Variants in PLP2 observed in about 807,000 individuals in gnomAD.
PLP2 encodes the protein proteolipid protein 2.
In PLP2, 8 loss-of-function variants were observed where a neutral mutation model predicts 11.4. The ratio of observed to expected loss-of-function variants is 0.70; its 90% CI spans 0.41 to 1.27. PLP2 has a LOEUF of 1.27. Ranked by LOEUF, PLP2 falls within the 50% of genes most tolerant of loss-of-function variation. The pLI is 0.01. For missense variants in PLP2, 127 were observed against 123.5 expected, an observed-to-expected ratio of 1.03 and a Z score of -0.14; for synonymous variants, 50 against 53.2, an observed-to-expected ratio of 0.94 and a Z score of 0.26.
At position 49,173,236 on chromosome X, in the gene PLP2, G is replaced by T. The variant is rs200286228; in HGVS notation, c.204G>T (p.Met68Ile). The change falls in exon 2 of 5, where the codon ATG (methionine) becomes ATT (isoleucine). Residue 68 changes from methionine to isoleucine, a missense_variant. By Grantham distance (10) the Met-to-Ile change is conservative (BLOSUM62 1). Transcript: ENST00000376327. Reference protein sequence around the residue: ...ILAAIFFVVYMCDLHTKIPFI... With the variant: ...ILAAIFFVVYICDLHTKIPFI... ...CTGCTATTTTCTTTGTTGTCTACAT[G>T]TGTGACCTGCACACCAAGATACCAT... 1 of 1,209,153 alleles carries T rather than the reference G, an allele frequency of 8.3e-7. No homozygotes were observed. Among genetic ancestry groups the T allele is most frequent in the East Asian group, 3.0e-5 (1 of 33,744 alleles).
At position 49,173,300 on chromosome X, in the gene PLP2, T is replaced by A. The variant is rs1602594415; in HGVS notation, c.249+19T>A. ...CTGGAGTGTGAGAAGGGGTCCACAA[T>A]GGCAAGACCAGGGAGGGGTCTGGGC... On this transcript the variant is annotated intron_variant, in intron 2 of 4. Transcript: ENST00000376327. 7.5e-6 allele frequency: 9 copies of A among 1,207,904 alleles called. No individual in the cohort carries two copies. Among genetic ancestry groups the A allele is most frequent in the Admixed American group, 6.6e-5 (3 of 45,742 alleles).
At position 49,172,105 on chromosome X, in the gene PLP2, T is replaced by C. The variant is rs782412108; in HGVS notation, c.96+9T>C. The C allele has an allele frequency of 8.7e-7, 1 of 1,155,140 alleles. No individual in the cohort carries two copies. Among genetic ancestry groups the C allele is most frequent in the South Asian group, 1.8e-5 (1 of 54,965 alleles). On this transcript the variant is annotated intron_variant, in intron 1 of 4. Transcript: ENST00000376327. ...TCCTGTTTGCTGAGATTGTGAGCGT[T>C]CTGGGGCAGGCGCGTGGGCAAAAGC...
In PLP2 at chrX:49,172,783, G is replaced by T. The variant is rs948825309; in HGVS notation, c.97-346G>T. On this transcript the variant is annotated intron_variant, in intron 1 of 4. Coordinates refer to ENST00000376327, the MANE Select transcript of PLP2 (RefSeq NM_002668.3). ...GTCAGCGGGGCTCACAAAACACCTG[G>T]CAGCGCCACTCCCCTCAGGCTGCCC... 8.0e-5 allele frequency among the ~76,000 whole-genome samples: 9 copies of T among 112,141 alleles called. No individual in the cohort carries two copies. In the Admixed American group the frequency reaches 8.5e-4, roughly 11 times the overall value.
chrX:49,173,396 C>T lies in PLP2; in HGVS notation c.258C>T (p.Phe86=), dbSNP rs1557099448. ...PFINWPWSDF[F]RTLIAAILYL... is the part of the protein sequence containing the mutation. ...CTCCCTACACCTCACAGGATTTCTT[C>T]CGAACCCTCATAGCGGCAATCCTCT... Residue 86 remains phenylalanine, a synonymous_variant, in exon 3 of 5, where the codon TTC becomes TTT. Coordinates refer to ENST00000376327, the MANE Select transcript of PLP2 (RefSeq NM_002668.3). The T allele has an allele frequency of 8.3e-7, 1 of 1,211,345 alleles. No individual in the cohort carries two copies. Among genetic ancestry groups the T allele is most frequent in the East Asian group, 3.0e-5 (1 of 33,844 alleles).
rs782640786 is a variant in PLP2 at position 49,173,270 on chromosome X, T to G, written c.238T>G (p.Trp80Gly). The G allele has an allele frequency of 5.0e-6, 6 of 1,211,348 alleles. No individual in the cohort carries two copies. The highest frequency in any genetic ancestry group is 6.7e-6 in the Non-Finnish European group (6 of 895,130). The change falls in exon 2 of 5, where the codon TGG (tryptophan) becomes GGG (glycine). Residue 80 changes from tryptophan to glycine, a missense_variant. By Grantham distance (184) the Trp-to-Gly change is radical (BLOSUM62 -2). Coordinates refer to ENST00000376327, the MANE Select transcript of PLP2 (RefSeq NM_002668.3). ...DLHTKIPFIN[W>G]PWSDFFRTLI... ...GCACACCAAGATACCATTCATCAACTGGCCCTGGAGTGTGAGAAGGGGTCC... is the reference window on the plus strand; with the variant it reads ...GCACACCAAGATACCATTCATCAACGGGCCCTGGAGTGTGAGAAGGGGTCC...
intron 3 of PLP2, among the ~76,000 whole-genome samples, chrX:49,173,892 A>G (rs1187208877): frequency 1.8e-5 from 2 of 111,720 alleles, no homozygotes; most frequent in Admixed American, 1.9e-4. Flanking sequence ...CAACATGGCG[A>G]AACCCCATCT....
chrX:49,175,090 C>T lies in PLP2; in HGVS notation c.*396C>T, dbSNP rs2065407793. The T allele has an allele frequency of 3.9e-5, 10 of 257,990 alleles. No homozygotes were observed. Among genetic ancestry groups the T allele is most frequent in the Non-Finnish European group, 6.2e-5 (9 of 145,404 alleles). 21.3% of individuals were successfully genotyped at this position (257,990 alleles called of 1,213,427 possible). On this transcript the variant is annotated 3_prime_UTR_variant, in exon 5 of 5. Transcript: ENST00000376327. ...GAATAATAAACATTGTTAAAATATA[C>T]GATAATGAATAAAGTAATCCTTTCA... is the stretch of plus-strand genomic sequence containing the variant.
At chrX:49,172,397 G>A (rs1383326318) in intron 1 of PLP2, among the ~76,000 whole-genome samples, 1 of 111,603 alleles carries the variant, frequency 9.0e-6, no homozygotes, top group African/African-American at 3.3e-5. Context: ...GTCCCAGGGT[G>A]CTGGGAAGTG....
intron 4 of PLP2, 46 bp downstream of exon 4, chrX:49,174,471 G>A: frequency 1.9e-6 from 2 of 1,066,674 alleles, no homozygotes; most frequent in Non-Finnish European, 2.6e-6. Context: ...GTTGCTGAGA[G>A]GGCAGAGGGA....
rs1557099484 is a variant in PLP2, at chrX:49,173,494, T to C, written c.345+11T>C. The C allele has an allele frequency of 3.3e-6, 4 of 1,211,641 alleles. No homozygotes were observed. The Admixed American group carries it at 6.5e-5, about 20-fold the overall frequency. On this transcript the variant is annotated intron_variant, in intron 3 of 4. Coordinates refer to ENST00000376327, the MANE Select transcript of PLP2 (RefSeq NM_002668.3). ...AAAATCGTCGCAGGGGTAAAGGCCA[T>C]GGGAGCAGCTCTGAAGCACAGAGCG...
Position 49,173,497 on chromosome X carries a change from G to A in PLP2, c.345+14G>A. On this transcript the variant is annotated intron_variant, in intron 3 of 4. Coordinates refer to ENST00000376327, the MANE Select transcript of PLP2 (RefSeq NM_002668.3). ...ATCGTCGCAGGGGTAAAGGCCATGG[G>A]AGCAGCTCTGAAGCACAGAGCGAAG... is the stretch of plus-strand genomic sequence containing the variant. 8.3e-7 allele frequency: 1 copy of A among 1,211,850 alleles called. No individual in the cohort carries two copies. Among genetic ancestry groups the A allele is most frequent in the Middle Eastern group, 2.3e-4 (1 of 4,356 alleles).
rs782350537 is a variant in PLP2, at chrX:49,175,197, T to C, written c.*503T>C. On this transcript the variant is annotated 3_prime_UTR_variant, in exon 5 of 5. Coordinates refer to ENST00000376327, the MANE Select transcript of PLP2 (RefSeq NM_002668.3). ...GGCAAGGAGGCAAAGAAGCCAGGCC[T>C]GTTTTACAACAAATATTAAATTACT... 5.4e-4 allele frequency: 96 copies of C among 177,588 alleles called. No individual in the cohort carries two copies. The highest frequency in any genetic ancestry group is 2.4e-3 in the South Asian group (20 of 8,178). The allele number at this position is 177,588 out of a possible 1,213,427, so 14.6% of individuals were successfully genotyped here.
In PLP2 at chrX:49,172,116, C is replaced by G. The variant is rs1557099281; in HGVS notation, c.96+20C>G. ...GAGATTGTGAGCGTTCTGGGGCAGG[C>G]GCGTGGGCAAAAGCGGGATGGGGTG... On this transcript the variant is annotated intron_variant, in intron 1 of 4. Transcript: ENST00000376327. 1.8e-6 allele frequency: 2 copies of G among 1,097,187 alleles called. No homozygotes were observed. The highest frequency in any genetic ancestry group is 2.2e-5 in the Admixed American group (1 of 44,916). 90.4% of individuals were successfully genotyped at this position (1,097,187 alleles called of 1,213,427 possible).
intron 1 of PLP2, 79 bp downstream of exon 1, chrX:49,172,175 G>A (rs920462103): frequency 3.1e-5 from 23 of 746,504 alleles, no homozygotes; most frequent in Admixed American, 5.2e-5. Flanking sequence ...GTCCGGGTGA[G>A]GCAGGCACTT....
At position 49,175,013 on chromosome X, in the gene PLP2, C is replaced by T. The variant is rs2065407362; in HGVS notation, c.*319C>T. 2.5e-6 allele frequency: 1 copy of T among 402,328 alleles called. No individual in the cohort carries two copies. The highest frequency in any genetic ancestry group is 4.3e-6 in the Non-Finnish European group (1 of 230,242). The allele number at this position is 402,328 out of a possible 1,213,427, so 33.2% of individuals were successfully genotyped here. A position where few individuals can be genotyped will look rare whatever the true frequency, so the allele number is the denominator to read the frequency against. ...CAGAGTCCAGGCCCTAGGTTGGGAC[C>T]CACTCCAAATAATCTCCTCGGTGTG... On this transcript the variant is annotated 3_prime_UTR_variant, in exon 5 of 5. Transcript: ENST00000376327.
chrX:49,172,204 T>C (rs2065395089), intron 1 of PLP2, 108 bp downstream of exon 1: 1 of 581,003 alleles, frequency 1.7e-6, no homozygotes, highest in East Asian at 3.6e-5. Flanking sequence ...CGCTCGGCAG[T>C]GGGGTGCAGG....
At chrX:49,174,467 G>A in intron 4 of PLP2, 42 bp downstream of exon 4, 1 of 1,074,272 alleles carries the variant, frequency 9.3e-7, no homozygotes, top group Non-Finnish European at 1.3e-6. Context: ...GGGGGTTGCT[G>A]AGAGGGCAGA....
intron 3 of PLP2, chrX:49,173,742 C>T: frequency 2.0e-6 from 1 of 496,603 alleles, no homozygotes; most frequent in Non-Finnish European, 3.3e-6. Flanking sequence ...CACTAGACTA[C>T]CATCTGCAAG....
At position 49,171,916 on chromosome X, in the gene PLP2, G is replaced by A; in HGVS notation, c.-85G>A. 1.5e-6 allele frequency: 1 copy of A among 688,521 alleles called. No individual in the cohort carries two copies. The highest frequency in any genetic ancestry group is 2.3e-6 in the Non-Finnish European group (1 of 438,790). The allele number at this position is 688,521 out of a possible 1,213,427, so 56.7% of individuals were successfully genotyped here. A position where few individuals can be genotyped will look rare whatever the true frequency, so the allele number is the denominator to read the frequency against. On this transcript the variant is annotated 5_prime_UTR_variant, in exon 1 of 5. Coordinates refer to ENST00000376327, the MANE Select transcript of PLP2 (RefSeq NM_002668.3). The stretch of plus-strand genomic sequence containing the variant: ...GGGCCCCCTTCCCGGCCAGACGGCG[G>A]GCAAGACAGCTGGGTGTACAGCGTC...
Sources: allele counts gnomAD v4.1 joint callset (sites outside exome capture counted in the v4.1 genomes callset), GRCh38; gene constraint gnomAD v4.1.1; transcripts MANE v1.5; gene names NCBI Gene and HGNC (gene_info 2026-07-23, HGNC 2026-07-21).